ZNF799: variants seen among roughly 807,000 people sequenced by gnomAD.
ZNF799 encodes the protein zinc finger protein 799, also known as zinc finger protein 14.
ZNF799 carries 28 observed loss-of-function variants against 41.0 expected under a neutral mutation model. The observed-to-expected ratio is 0.68, with a 90% CI of 0.51 to 0.94. The LOEUF (loss-of-function observed/expected upper bound fraction) is 0.94. Ranked by LOEUF, ZNF799 falls within the 40% of genes least tolerant of loss-of-function variation. ZNF799 has a pLI of 0.00. For missense variants in ZNF799, 716 were observed against 764.3 expected (o/e 0.94, Z 0.74); for synonymous variants, 213 against 252.9 (o/e 0.84, Z 1.50).
At position 12,393,034 on chromosome 19, in the gene ZNF799, G is replaced by A. The variant is rs529853417; in HGVS notation, c.130+263C>T. On this transcript the variant is annotated intron_variant, in intron 2 of 3. Transcript: ENST00000430385. Reference sequence around the variant, plus strand: ...AGCTTACTTTACTGTGAGAATATACGATGTAATAATACGACATAAAATATA... The same window carrying A: ...AGCTTACTTTACTGTGAGAATATACAATGTAATAATACGACATAAAATATA... 1.0e-4 allele frequency among the ~76,000 whole-genome samples: 15 copies of A among 149,354 alleles called. No individual in the cohort carries two copies. In the East Asian group the frequency reaches 2.0e-3, roughly 19 times the overall value.
rs1969786974 is a variant in ZNF799, at chr19:12,390,273, G to A, written c.*193C>T. The A allele has an allele frequency of 1.1e-6, 1 of 949,836 alleles. No homozygotes were observed. The highest frequency in any genetic ancestry group is 1.6e-6 in the Non-Finnish European group (1 of 641,000). The allele number at this position is 949,836 out of a possible 1,614,324, so 58.8% of individuals were successfully genotyped here. ...TCATTTTATAAAAGGGACTGGACAT[G>A]GCTCACGGAGTGCTGGAACCAATAC... On this transcript the variant is annotated 3_prime_UTR_variant, in exon 4 of 4. Transcript: ENST00000430385.
chr19:12,401,899 T>A (rs116920319), upstream of ZNF799, among the ~76,000 whole-genome samples: 2,278 of 152,222 alleles, frequency 0.015, 108 homozygotes, highest in Admixed American at 0.097. Context: ...TTCAATGAAA[T>A]TTTTCAAAAT....
At position 12,391,439 on chromosome 19, in the gene ZNF799, T is replaced by C; in HGVS notation, c.959A>G (p.His320Arg). 6.2e-7 allele frequency: 1 copy of C among 1,614,088 alleles called. No homozygotes were observed. Among genetic ancestry groups the C allele is most frequent in the Middle Eastern group, 1.7e-4 (1 of 6,060 alleles). ...CATGTGTCTTTGAAAGCTTCCCAGA[T>C]GATGAAACGCTTTCCCACATTGCTG... ...ACQQCGKAFH[H>R]LGSFQRHMVM... Residue 320 changes from histidine to arginine, a missense_variant, in exon 4 of 4, where the codon CAT (histidine) becomes CGT (arginine). Physicochemically the swap from His to Arg is conservative, Grantham distance 29. This residue lies in a region of ZNF799 where 698 missense variants were observed against 713.6 expected (regional missense o/e 0.98). Transcript: ENST00000430385.
chr19:12,414,923 C>T, the ZNF799 span, among the ~76,000 whole-genome samples: 1 of 152,120 alleles, frequency 6.6e-6, no homozygotes, highest in Admixed American at 6.5e-5. Flanking sequence ...TGCTTGCACA[C>T]TGTGGAAACA....
chr19:12,405,219 T>TTATATATA (rs3049622), upstream of ZNF799, among the ~76,000 whole-genome samples: 1 of 148,222 alleles, frequency 6.7e-6, no homozygotes, highest in Admixed American at 6.7e-5. Flanking sequence ...AAACTCCCAT[T>TTATATATA]TATATATATA....
chr19:12,395,010 C>A (rs1969874296), intron 1 of ZNF799: 1 of 329,170 alleles, frequency 3.0e-6, no homozygotes, highest in East Asian at 1.7e-4. Context: ...TTGAACACAG[C>A]AGCCTGAGTT....
the ZNF799 span, among the ~76,000 whole-genome samples, chr19:12,406,641 C>T: frequency 3.9e-5 from 6 of 152,142 alleles, no homozygotes; most frequent in South Asian, 1.0e-3. Flanking sequence ...TGGCTCATGC[C>T]TGTAATCCCA....
chr19:12,410,277 A>G, the ZNF799 span, among the ~76,000 whole-genome samples: 10 of 81,634 alleles, frequency 1.2e-4, no homozygotes, highest in African/African-American at 5.7e-4. Flanking sequence ...ATATATATAT[A>G]TATATATATA....
At chr19:12,393,774 T>G (rs1047772112) in intron 1 of ZNF799, 1 of 1,109,494 alleles carries the variant, frequency 9.0e-7, no homozygotes, top group Non-Finnish European at 1.1e-6. Flanking sequence ...GGAGTTACCA[T>G]TAGCAGTGCT....
chr19:12,391,234 A>C lies in ZNF799; in HGVS notation c.1164T>G (p.Thr388=), dbSNP rs773050618. ...TCTTGCATTTGTGAGGTCCATCTCC[A>C]GTGTGCATTGTCATGTGTCTTCGAA... is the stretch of plus-strand genomic sequence containing the variant. ...SSFRRHMTMH[T]GDGPHKCKIC... The change falls in exon 4 of 4, where the codon ACT becomes ACG. Residue 388 remains threonine, a synonymous_variant. Coordinates refer to ENST00000430385, the MANE Select transcript of ZNF799 (RefSeq NM_001080821.3). 6 of 1,614,118 alleles carry C rather than the reference A, an allele frequency of 3.7e-6. No individual in the cohort carries two copies. The South Asian group carries it at 5.5e-5, about 15-fold the overall frequency.
intron 1 of ZNF799, among the ~76,000 whole-genome samples, chr19:12,395,566 A>C (rs1325223166): frequency 1.3e-5 from 2 of 152,222 alleles, no homozygotes; most frequent in Non-Finnish European, 2.9e-5. Context: ...GACTATGATT[A>C]AGACATACAG....
At chr19:12,403,763 G>A (rs1361394611), upstream of ZNF799, among the ~76,000 whole-genome samples, 1 of 152,050 alleles carries the variant, frequency 6.6e-6, no homozygotes, top group Non-Finnish European at 1.5e-5. Context: ...TGTTGGCCAG[G>A]CTGGTCTTGA....
At chr19:12,409,793 T>C in the ZNF799 span, among the ~76,000 whole-genome samples, 1 of 152,114 alleles carries the variant, frequency 6.6e-6, no homozygotes, top group Non-Finnish European at 1.5e-5. Flanking sequence ...ACATCCAAAA[T>C]ACATGAAAGA....
chr19:12,402,416 C>CTTTTTTTTTTTTTTTTTTTT (rs745521629), upstream of ZNF799, among the ~76,000 whole-genome samples: 4 of 125,048 alleles, frequency 3.2e-5, no homozygotes, highest in African/African-American at 6.1e-5. Context: ...CCCTTTATTT[C>CTTTTTTTTTTTTTTTTTTTT]TTTTTTTTTT....
chr19:12,412,966 G>C, the ZNF799 span, among the ~76,000 whole-genome samples: 1 of 148,814 alleles, frequency 6.7e-6, no homozygotes, highest in Admixed American at 6.9e-5. Context: ...GGGAGGCAGA[G>C]GTGATGGTGA....
At chr19:12,397,099 G>A (rs1386881860) in intron 1 of ZNF799, among the ~76,000 whole-genome samples, 2 of 152,154 alleles carry the variant, frequency 1.3e-5, no homozygotes, top group Non-Finnish European at 2.9e-5. Flanking sequence ...TTTATAATAG[G>A]GCAAATGGAT....
In ZNF799 at chr19:12,401,229, C is replaced by G. The variant is rs1428012509; in HGVS notation, c.-159G>C. On this transcript the variant is annotated 5_prime_UTR_variant, in exon 1 of 4. Coordinates refer to ENST00000430385, the MANE Select transcript of ZNF799 (RefSeq NM_001080821.3). ...AGGTGGGTGGAGAAGACGCCGCGGGCTTTTTCAACCACACACTCCTCTGGG... is the reference window on the plus strand; with the variant it reads ...AGGTGGGTGGAGAAGACGCCGCGGGGTTTTTCAACCACACACTCCTCTGGG... 2 of 1,471,154 alleles carry G rather than the reference C, an allele frequency of 1.4e-6. No homozygotes were observed. 91.1% of individuals were successfully genotyped at this position (1,471,154 alleles called of 1,614,324 possible).
At chr19:12,408,170 CAAAAGA>C in the ZNF799 span, among the ~76,000 whole-genome samples, 1 of 151,296 alleles carries the variant, frequency 6.6e-6, no homozygotes, top group African/African-American at 2.4e-5. Context: ...GATTCTGTCT[CAAAAGA>C]AAAGAAAAGA....
At chr19:12,414,566 G>T in the ZNF799 span, among the ~76,000 whole-genome samples, 1 of 152,264 alleles carries the variant, frequency 6.6e-6, no homozygotes, top group East Asian at 1.9e-4. Context: ...TTTCAGATGG[G>T]GCTGCTGGCG....
Sources: allele counts gnomAD v4.1 joint callset (sites outside exome capture counted in the v4.1 genomes callset), GRCh38; gene constraint gnomAD v4.1.1; regional missense constraint gnomAD v4.1.1; transcripts MANE v1.5; gene names NCBI Gene and HGNC (gene_info 2026-07-23, HGNC 2026-07-21).